CSMD3: variants seen among roughly 807,000 people sequenced by gnomAD.
The protein encoded by CSMD3 is CUB and Sushi multiple domains 3.
CSMD3 carries 177 observed loss-of-function variants against 435.2 expected under a neutral mutation model. That is an observed-to-expected ratio of 0.41 (90% confidence interval 0.36 to 0.46). The LOEUF (loss-of-function observed/expected upper bound fraction) is 0.46. Among genes scored for constraint, CSMD3 ranks in the 20% least tolerant of loss-of-function variants. CSMD3 has a pLI of 0.34. For synonymous variants in CSMD3, 1,656 were observed against 1,520.5 expected (o/e 1.09, Z -2.07); for missense variants, 4,265 against 4,504.6 (o/e 0.95, Z 1.52).
intron 42 of CSMD3, among the ~76,000 whole-genome samples, chr8:112,340,100 GA>G (rs1213773563): frequency 2.6e-5 from 4 of 152,018 alleles, no homozygotes; most frequent in Admixed American, 2.6e-4. Flanking sequence ...ATGAGAATAG[GA>G]AAAAAACAGG....
intron 44 of CSMD3, among the ~76,000 whole-genome samples, chr8:112,335,918 A>G (rs1824515388): frequency 6.6e-6 from 1 of 151,744 alleles, no homozygotes. Flanking sequence ...ATTTTTATTT[A>G]TTTATTTATT....
intron 1 of CSMD3, among the ~76,000 whole-genome samples, chr8:113,339,659 T>G (rs2094104186): frequency 6.6e-6 from 1 of 152,016 alleles, no homozygotes; most frequent in Non-Finnish European, 1.5e-5. Flanking sequence ...TGTGTTTAGA[T>G]TGTTATTAGA....
At chr8:112,254,674 T>C (rs1815617355) in intron 62 of CSMD3, among the ~76,000 whole-genome samples, 1 of 152,068 alleles carries the variant, frequency 6.6e-6, no homozygotes, top group Non-Finnish European at 1.5e-5. Flanking sequence ...CTTGCTAAAC[T>C]ATGATTTGGG....
rs373286747 is a variant in CSMD3, at chr8:113,342,638, G to C, written c.179-27845C>G. ...CTACCCCTAAAGTCAGAAGCCTAAAGACAAATTTTAACAAGATTCTCAGGC... is the reference window on the plus strand; with the variant it reads ...CTACCCCTAAAGTCAGAAGCCTAAACACAAATTTTAACAAGATTCTCAGGC... On this transcript the variant is annotated intron_variant, in intron 1 of 70. Coordinates refer to ENST00000297405, the MANE Select transcript of CSMD3 (RefSeq NM_198123.2). Among the ~76,000 whole-genome samples, 3 of 152,188 alleles carry C rather than the reference G, an allele frequency of 2.0e-5. No individual in the cohort carries two copies. The East Asian group carries it at 5.8e-4, about 29-fold the overall frequency.
chr8:112,563,872 C>T (rs1425846437), intron 24 of CSMD3, among the ~76,000 whole-genome samples: 1 of 151,826 alleles, frequency 6.6e-6, no homozygotes, highest in Non-Finnish European at 1.5e-5. Context: ...TTTTTTCTTT[C>T]CATGTCCGAT....
intron 3 of CSMD3, among the ~76,000 whole-genome samples, chr8:113,275,001 T>C (rs560677726): frequency 6.6e-6 from 1 of 152,194 alleles, no homozygotes; most frequent in African/African-American, 2.4e-5. Flanking sequence ...TTAACTCCAT[T>C]ATAGAAATTT....
chr8:112,280,675 A>G (rs1208046428), intron 59 of CSMD3, among the ~76,000 whole-genome samples: 1 of 152,156 alleles, frequency 6.6e-6, no homozygotes, highest in Non-Finnish European at 1.5e-5. Context: ...AATTTCTTCA[A>G]GGGAGTAATT....
intron 5 of CSMD3, among the ~76,000 whole-genome samples, chr8:113,030,889 G>A (rs919149978): frequency 6.6e-6 from 1 of 151,478 alleles, no homozygotes; most frequent in Admixed American, 6.6e-5. Context: ...AGGATTTACA[G>A]ATGGCAAATA....
intron 1 of CSMD3, among the ~76,000 whole-genome samples, chr8:113,435,659 T>G (rs2094701555): frequency 6.6e-6 from 1 of 150,674 alleles, no homozygotes; most frequent in Non-Finnish European, 1.5e-5. Flanking sequence ...TGAAACTAGC[T>G]TCACTGAAAG....
chr8:112,246,726 G>A (rs1482643065), intron 64 of CSMD3, among the ~76,000 whole-genome samples: 2 of 152,090 alleles, frequency 1.3e-5, no homozygotes, highest in East Asian at 3.9e-4. Flanking sequence ...GATAGATGCA[G>A]ATCTATAAAC....
chr8:112,319,979 A>G lies in CSMD3; in HGVS notation c.7168T>C (p.Tyr2390His), dbSNP rs1396684784. The G allele has an allele frequency of 6.2e-7, 1 of 1,607,446 alleles. No homozygotes were observed. The highest frequency in any genetic ancestry group is 8.5e-7 in the Non-Finnish European group (1 of 1,174,200). ...SGFFVLSYHA[Y>H]QLRVCQPPPP... ...GGAGGTTGGCACACCCTTAGTTGAT[A>G]GGCTACAAAAATAAACAAAGTGTTT... Residue 2390 changes from tyrosine (Y) to histidine (H), a missense_variant and splice_region_variant, in exon 46 of 71, where the codon TAT (tyrosine) becomes CAT (histidine). Coordinates refer to ENST00000297405, the MANE Select transcript of CSMD3 (RefSeq NM_198123.2).
chr8:112,287,270 T>C (rs557365195), intron 57 of CSMD3, 24 bp from the exon 58 acceptor site: 1 of 1,611,710 alleles, frequency 6.2e-7, no homozygotes, highest in East Asian at 2.2e-5. Flanking sequence ...CAGTTCAAGT[T>C]AACCAATTCC....
chr8:113,188,395 T>A (rs1046972839), intron 3 of CSMD3, among the ~76,000 whole-genome samples: 1 of 152,026 alleles, frequency 6.6e-6, no homozygotes, highest in Admixed American at 6.6e-5. Context: ...TAGGAAAATA[T>A]GAGAAATCTC....
intron 17 of CSMD3, among the ~76,000 whole-genome samples, chr8:112,657,379 T>G (rs935384839): frequency 6.6e-6 from 1 of 152,112 alleles, no homozygotes; most frequent in Non-Finnish European, 1.5e-5. Flanking sequence ...AAAACTTAAA[T>G]AGTATTACAT....
chr8:113,330,520 G>C (rs1199407818), intron 1 of CSMD3, among the ~76,000 whole-genome samples: 1 of 151,932 alleles, frequency 6.6e-6, no homozygotes, highest in Non-Finnish European at 1.5e-5. Flanking sequence ...GGTATTGCTA[G>C]ATGGATGAAA....
chr8:112,572,900 T>G (rs908085253), intron 24 of CSMD3, among the ~76,000 whole-genome samples: 5 of 90,876 alleles, frequency 5.5e-5, no homozygotes, highest in African/African-American at 2.2e-4. Context: ...ATTTAATTCA[T>G]ATAACAATTG....
At chr8:112,307,795 T>C (rs1462873846) in intron 50 of CSMD3, among the ~76,000 whole-genome samples, 2 of 152,182 alleles carry the variant, frequency 1.3e-5, no homozygotes, top group African/African-American at 2.4e-5. Flanking sequence ...GAATTACAGA[T>C]TTATATTTTC....
At chr8:113,189,214 G>C (rs2092550899) in intron 3 of CSMD3, among the ~76,000 whole-genome samples, 1 of 151,786 alleles carries the variant, frequency 6.6e-6, no homozygotes, top group South Asian at 2.1e-4. Flanking sequence ...GTTACTGGTT[G>C]TAGTTCATGA....
chr8:113,037,102 T>C lies in CSMD3; in HGVS notation c.918-17923A>G, dbSNP rs184015532. 4.2e-3 allele frequency among the ~76,000 whole-genome samples: 635 copies of C among 152,252 alleles called. 7 individuals are homozygous for C. The highest frequency in any genetic ancestry group is 0.014 in the African/African-American group (585 of 41,582). ...ATGGTATGTGGCTGTGAAACAGATG[T>C]ATATTGCAAATATTGCTATTTTATT... On this transcript the variant is annotated intron_variant, in intron 5 of 70. Transcript: ENST00000297405.
Sources: gnomAD v4.1 joint callset for allele counts (sites outside exome capture counted in the v4.1 genomes callset) on GRCh38, gnomAD v4.1.1 for gene constraint, MANE v1.5 for transcripts, NCBI Gene and HGNC (gene_info 2026-07-23, HGNC 2026-07-21) for gene names.